Variants in NFIB observed in about 807,000 individuals in gnomAD.
NFIB encodes the protein nuclear factor I B, also known as nuclear factor 1 B-type.
In NFIB, 11 loss-of-function variants were observed where a neutral mutation model predicts 61.5. The ratio of observed to expected loss-of-function variants is 0.18; its 90% CI spans 0.11 to 0.30. The LOEUF (loss-of-function observed/expected upper bound fraction) is 0.30, where lower values mean the gene tolerates loss of function less well. Among genes scored for constraint, NFIB ranks in the 10% least tolerant of loss-of-function variants. The pLI, the probability that NFIB is intolerant of heterozygous loss-of-function variation, is 1.00. For missense variants in NFIB, 471 were observed against 608.9 expected, an observed-to-expected ratio of 0.77 and a Z score of 2.38; for synonymous variants, 260 against 216.5, an observed-to-expected ratio of 1.20 and a Z score of -1.76.
At chr9:14,474,743 G>A in the NFIB span, among the ~76,000 whole-genome samples, 1 of 152,110 alleles carries the variant, frequency 6.6e-6, no homozygotes, top group Non-Finnish European at 1.5e-5. Context: ...TTCCAAAAGG[G>A]AGAAATCAAA....
chr9:14,335,687 T>G (rs1402143316), intron 1 of NFIB, among the ~76,000 whole-genome samples: 1 of 152,230 alleles, frequency 6.6e-6, no homozygotes, highest in African/African-American at 2.4e-5. Flanking sequence ...ATTTTTAAAG[T>G]TCGATGAAGT....
chr9:14,233,898 T>TCA (rs1402717786), intron 2 of NFIB, among the ~76,000 whole-genome samples: 1 of 152,250 alleles, frequency 6.6e-6, no homozygotes, highest in African/African-American at 2.4e-5. Context: ...TTTGTCACCA[T>TCA]CAGCACTCAT....
At chr9:14,484,714 T>C in the NFIB span, among the ~76,000 whole-genome samples, 1 of 152,204 alleles carries the variant, frequency 6.6e-6, no homozygotes, top group African/African-American at 2.4e-5. Flanking sequence ...TAGATAATTA[T>C]TGACCATCTG....
At chr9:14,222,488 T>C (rs949682520) in intron 2 of NFIB, among the ~76,000 whole-genome samples, 1 of 152,272 alleles carries the variant, frequency 6.6e-6, no homozygotes, top group African/African-American at 2.4e-5. Flanking sequence ...AATCTGTCCC[T>C]TTATTCATTA....
chr9:14,214,300 T>C (rs1309197821), intron 2 of NFIB, among the ~76,000 whole-genome samples: 1 of 152,230 alleles, frequency 6.6e-6, no homozygotes, highest in East Asian at 1.9e-4. Context: ...GTCAGGAGCA[T>C]GGACCCATGC....
At chr9:14,097,921 C>A (rs2035119900) in intron 10 of NFIB, among the ~76,000 whole-genome samples, 1 of 144,534 alleles carries the variant, frequency 6.9e-6, no homozygotes, top group African/African-American at 2.6e-5. Flanking sequence ...CAACCAGATC[C>A]AAATAACCTT....
chr9:14,223,448 T>C (rs2051961481), intron 2 of NFIB, among the ~76,000 whole-genome samples: 1 of 152,212 alleles, frequency 6.6e-6, no homozygotes, highest in Admixed American at 6.5e-5. Flanking sequence ...TTCTCACCCA[T>C]TAGAAACAAA....
chr9:14,381,073 C>CAAAAAAAAA (rs34848529), intron 1 of NFIB, among the ~76,000 whole-genome samples: 2 of 82,562 alleles, frequency 2.4e-5, no homozygotes, highest in Admixed American at 1.6e-4. Flanking sequence ...GACTCCGTCT[C>CAAAAAAAAA]AAAAAAAAAA....
chr9:14,084,512 CT>C lies in NFIB; in HGVS notation c.*3796del. On this transcript the variant is annotated 3_prime_UTR_variant, in exon 11 of 11. Transcript: ENST00000380953. ...CTTTATGTACAGTCTCCTTCACTGCCTTTTATTTTTTTCCTTAGACAAGCCT... is the reference window on the plus strand; with the variant it reads ...CTTTATGTACAGTCTCCTTCACTGCCTTTATTTTTTTCCTTAGACAAGCCT... 4.4e-6 allele frequency: 1 copy of C among 225,550 alleles called. No individual in the cohort carries two copies. Among genetic ancestry groups the C allele is most frequent in the Non-Finnish European group, 8.9e-6 (1 of 112,942 alleles). The allele number at this position is 225,550 out of a possible 1,614,324, so 14.0% of individuals were successfully genotyped here.
chr9:14,318,476 A>C (rs931215403), upstream of NFIB, among the ~76,000 whole-genome samples: 1 of 150,186 alleles, frequency 6.7e-6, no homozygotes, highest in African/African-American at 2.4e-5. Flanking sequence ...GGAACTTAAC[A>C]AAGCTGTCAT....
chr9:14,234,126 G>A (rs1025754972), intron 2 of NFIB, among the ~76,000 whole-genome samples: 9 of 152,106 alleles, frequency 5.9e-5, no homozygotes, highest in African/African-American at 1.9e-4. Context: ...TTATTGAACA[G>A]TCAAACCTAG....
chr9:14,199,529 G>C (rs1267570547), intron 2 of NFIB, among the ~76,000 whole-genome samples: 1 of 152,122 alleles, frequency 6.6e-6, no homozygotes, highest in Non-Finnish European at 1.5e-5. Flanking sequence ...TTAAGGAAGT[G>C]GTAAGGCAGC....
At chr9:14,483,699 C>G in the NFIB span, among the ~76,000 whole-genome samples, 2 of 152,194 alleles carry the variant, frequency 1.3e-5, no homozygotes, top group African/African-American at 2.4e-5. Flanking sequence ...ATAAGAATCT[C>G]TAAGAGTAGC....
At chr9:14,211,213 T>A (rs575335439) in intron 2 of NFIB, among the ~76,000 whole-genome samples, 1 of 152,192 alleles carries the variant, frequency 6.6e-6, no homozygotes, top group Non-Finnish European at 1.5e-5. Flanking sequence ...AGTTTTTCTG[T>A]GTGATTAACA....
intron 1 of NFIB, among the ~76,000 whole-genome samples, chr9:14,373,638 ATGAG>A (rs1361354737): frequency 3.3e-5 from 4 of 119,856 alleles, no homozygotes; most frequent in African/African-American, 1.5e-4. Flanking sequence ...GTGTGTCCAC[ATGAG>A]TGTGTGTGTG....
At chr9:14,373,686 G>C (rs79059983) in intron 1 of NFIB, among the ~76,000 whole-genome samples, 1 of 150,614 alleles carries the variant, frequency 6.6e-6, no homozygotes, top group South Asian at 2.1e-4. Context: ...GTGGTGTTTA[G>C]AAACAGGTAG....
rs182032142 is a variant in NFIB, at chr9:14,364,653, A to C, written c.108+33871T>G. ...TGGATCAAAATAGTTTTAAAAATCTAGTCTTCAAAGGTGTGTGAAAAGTGA... is the reference window on the plus strand; with the variant it reads ...TGGATCAAAATAGTTTTAAAAATCTCGTCTTCAAAGGTGTGTGAAAAGTGA... On this transcript the variant is annotated intron_variant, in intron 1 of 8. Coordinates refer to the NFIB transcript ENST00000380934. 2.5e-3 allele frequency among the ~76,000 whole-genome samples: 386 copies of C among 152,328 alleles called. 3 individuals carry two copies. Among genetic ancestry groups the C allele is most frequent in the African/African-American group, 8.9e-3 (368 of 41,558 alleles).
At chr9:14,106,232 G>C (rs1331210682) in intron 10 of NFIB, among the ~76,000 whole-genome samples, 1 of 151,920 alleles carries the variant, frequency 6.6e-6, no homozygotes, top group Non-Finnish European at 1.5e-5. Flanking sequence ...TCTTATTTTT[G>C]TAACAATATA....
chr9:14,243,649 AT>A (rs373520525), intron 2 of NFIB, among the ~76,000 whole-genome samples: 93 of 152,200 alleles, frequency 6.1e-4, no homozygotes, highest in Non-Finnish European at 1.1e-3. Context: ...GTGCTCATCC[AT>A]TTTTTTATGG....
Sources: allele counts gnomAD v4.1 joint callset (sites outside exome capture counted in the v4.1 genomes callset), GRCh38; gene constraint gnomAD v4.1.1; transcripts MANE v1.5; gene names NCBI Gene and HGNC (gene_info 2026-07-23, HGNC 2026-07-21).